Variants in NEBL observed in about 807,000 individuals in gnomAD.
NEBL encodes the protein LIM and SH3 protein 2.
In NEBL, 122 loss-of-function variants were observed where a neutral mutation model predicts 140.2. The observed-to-expected ratio is 0.87, with a 90% CI of 0.75 to 1.01. The LOEUF (loss-of-function observed/expected upper bound fraction) is 1.01. Ranked by LOEUF, NEBL falls within the 50% of genes least tolerant of loss-of-function variation. The pLI is 0.00. For missense variants in NEBL, 1,365 were observed against 1,231.3 expected, an observed-to-expected ratio of 1.11 and a Z score of -1.62; for synonymous variants, 436 against 398.9, an observed-to-expected ratio of 1.09 and a Z score of -1.11.
At chr10:20,941,455 T>C (rs1834861039) in intron 4 of NEBL, among the ~76,000 whole-genome samples, 2 of 152,182 alleles carry the variant, frequency 1.3e-5, no homozygotes, top group South Asian at 2.1e-4. Flanking sequence ...GAGCTATCTA[T>C]GACAAACCCA....
chr10:20,826,529 T>C lies in NEBL; in HGVS notation c.1787A>G (p.Lys596Arg), dbSNP rs928506013. 4.7e-5 allele frequency: 76 copies of C among 1,608,836 alleles called. No homozygotes were observed. Among genetic ancestry groups the C allele is most frequent in the Non-Finnish European group, 6.2e-5 (73 of 1,176,016 alleles). Reference sequence around the variant, plus strand: ...TGCAGTGCCAGCTCCCACTTCTTTCTTATAAAATACCTTTATTATAAGAAA... The same window carrying C: ...TGCAGTGCCAGCTCCCACTTCTTTCCTATAAAATACCTTTATTATAAGAAA... ...TQQNISAVFY[K>R]KEVGAGTAVK... is the part of the protein sequence containing the mutation. Residue 596 changes from lysine to arginine, a missense_variant, in exon 18 of 28, where the codon AAG (lysine) becomes AGG (arginine). Lys to Arg is a conservative substitution (Grantham distance 26, BLOSUM62 2). Around this residue, in one of 2 missense-constraint regions of NEBL, gnomAD observed 1,323 missense variants for 1,154.8 expected, o/e 1.15. Transcript: ENST00000377122.
At chr10:21,000,579 A>G (rs1425833289) in intron 3 of NEBL, among the ~76,000 whole-genome samples, 3 of 152,174 alleles carry the variant, frequency 2.0e-5, no homozygotes, top group African/African-American at 4.8e-5. Flanking sequence ...CAAAGGAAGG[A>G]GCAAAACATT....
At chr10:21,110,735 A>T (rs1164900220) in intron 2 of NEBL, 2 of 504,182 alleles carry the variant, frequency 4.0e-6, no homozygotes, top group East Asian at 9.5e-5. Context: ...AGAACCAACA[A>T]AGATTATCGC....
chr10:21,191,005 T>C (rs1426367707), intron 3 of NEBL, among the ~76,000 whole-genome samples: 7 of 152,216 alleles, frequency 4.6e-5, no homozygotes, highest in African/African-American at 1.7e-4. Flanking sequence ...TTTGTTCCTT[T>C]AGAAGTGTTC....
chr10:21,169,543 C>T (rs747138723), intron 2 of NEBL, among the ~76,000 whole-genome samples: 1 of 152,146 alleles, frequency 6.6e-6, no homozygotes, highest in Admixed American at 6.5e-5. Context: ...CATGGCAACA[C>T]GTATCCTTTT....
At chr10:20,862,236 A>G (rs767446439) in intron 7 of NEBL, among the ~76,000 whole-genome samples, 1 of 152,220 alleles carries the variant, frequency 6.6e-6, no homozygotes, top group Non-Finnish European at 1.5e-5. Context: ...TATTTATATT[A>G]AATGTAATAA....
intron 24 of NEBL, among the ~76,000 whole-genome samples, chr10:20,811,423 G>T (rs910907147): frequency 3.3e-5 from 5 of 152,138 alleles, no homozygotes; most frequent in African/African-American, 9.7e-5. Context: ...CCTTAAGATA[G>T]TTCCATCCCT....
rs536108878 is a variant in NEBL, at chr10:20,977,164, G to A, written c.250-15385C>T. Among the ~76,000 whole-genome samples the A allele has an allele frequency of 3.9e-5, 6 of 152,212 alleles. No individual in the cohort carries two copies. The South Asian group carries it at 1.0e-3, about 26-fold the overall frequency. On this transcript the variant is annotated intron_variant, in intron 3 of 6. Transcript: ENST00000417816. ...TGCCAGCATCTACCTTCCAAAGGCC[G>A]ACCTCCATTTCACTGCCCTTTAGAT...
intron 3 of NEBL, among the ~76,000 whole-genome samples, chr10:20,987,673 A>G (rs1460805795): frequency 6.6e-6 from 1 of 152,220 alleles, no homozygotes; most frequent in Non-Finnish European, 1.5e-5. Context: ...AAGGGATTAT[A>G]GCAATGCGGG....
At chr10:20,961,590 C>CA (rs977267651) in intron 4 of NEBL, 2 of 1,044,220 alleles carry the variant, frequency 1.9e-6, no homozygotes, top group African/African-American at 3.1e-5. Flanking sequence ...GCAACACAAA[C>CA]ACTTCCAAGT....
intron 3 of NEBL, among the ~76,000 whole-genome samples, chr10:21,180,313 C>T (rs1238842960): frequency 1.3e-5 from 2 of 152,116 alleles, no homozygotes; most frequent in African/African-American, 4.8e-5. Flanking sequence ...TCTGATCTCT[C>T]TTTAGGGAAA....
At chr10:20,858,141 A>G in intron 9 of NEBL, 99 bp downstream of exon 9, 1 of 895,614 alleles carries the variant, frequency 1.1e-6, no homozygotes, top group Non-Finnish European at 1.8e-6. Flanking sequence ...AGTGAGGCAC[A>G]GGCCTTCTAA....
intron 2 of NEBL, among the ~76,000 whole-genome samples, chr10:21,068,477 T>TG (rs957233374): frequency 9.2e-5 from 14 of 152,166 alleles, no homozygotes; most frequent in Non-Finnish European, 1.3e-4. Context: ...AATCAAACTA[T>TG]GGGGGGAGGA....
chr10:20,824,033 G>T (rs969089968), intron 18 of NEBL, among the ~76,000 whole-genome samples: 5 of 152,040 alleles, frequency 3.3e-5, no homozygotes, highest in South Asian at 4.1e-4. Context: ...TCAGGCAAAT[G>T]GTAATACAAG....
chr10:20,944,290 C>T (rs1835049264), intron 4 of NEBL, among the ~76,000 whole-genome samples: 1 of 152,074 alleles, frequency 6.6e-6, no homozygotes, highest in African/African-American at 2.4e-5. Flanking sequence ...ATCCCAGCTA[C>T]TTGGAAGGCT....
At chr10:21,071,389 AG>A (rs1835811880) in intron 2 of NEBL, among the ~76,000 whole-genome samples, 2 of 151,920 alleles carry the variant, frequency 1.3e-5, no homozygotes, top group South Asian at 4.1e-4. Flanking sequence ...TTTGTCCTCG[AG>A]TGAGTTGTTT....
chr10:20,806,778 G>T (rs1837653024), intron 26 of NEBL, among the ~76,000 whole-genome samples: 2 of 152,218 alleles, frequency 1.3e-5, no homozygotes, highest in Admixed American at 1.3e-4. Context: ...GTGACTAAAT[G>T]AATGAATGAT....
At chr10:21,026,901 G>A (rs1833522348) in intron 2 of NEBL, among the ~76,000 whole-genome samples, 1 of 152,058 alleles carries the variant, frequency 6.6e-6, no homozygotes, top group South Asian at 2.1e-4. Flanking sequence ...CTTTCTTTAT[G>A]GGTGTCTGGA....
Position 20,812,911 on chromosome 10 carries a change from T to G in NEBL, c.2376A>C (p.Thr792=). The G allele has an allele frequency of 6.2e-7, 1 of 1,613,974 alleles. No individual in the cohort carries two copies. Among genetic ancestry groups the G allele is most frequent in the Non-Finnish European group, 8.5e-7 (1 of 1,179,914 alleles). ...CGACGGGAGTAAAGCCTCTCCCCTT[T>G]GTTTTTTCAAAATCTTCATGGTATT... is the stretch of plus-strand genomic sequence containing the variant. ...MVKYHEDFEK[T]KGRGFTPVVD... Residue 792 remains threonine (T), a synonymous_variant, in exon 24 of 28, where the codon ACA becomes ACC. Coordinates refer to ENST00000377122, the MANE Select transcript of NEBL (RefSeq NM_006393.3).
Sources: allele counts gnomAD v4.1 joint callset (sites outside exome capture counted in the v4.1 genomes callset), GRCh38; gene constraint gnomAD v4.1.1; regional missense constraint gnomAD v4.1.1; transcripts MANE v1.5; gene names NCBI Gene and HGNC (gene_info 2026-07-23, HGNC 2026-07-21).